The following ROBO1 variants were observed in gnomAD, a reference collection of about 807,000 sequenced individuals.
The protein encoded by ROBO1 is roundabout guidance receptor 1.
In ROBO1, 149 loss-of-function variants were observed where a neutral mutation model predicts 195.9. The ratio of observed to expected loss-of-function variants is 0.76; its 90% CI spans 0.67 to 0.87. The LOEUF (loss-of-function observed/expected upper bound fraction) is 0.87, where lower values mean the gene tolerates loss of function less well. Ranked by LOEUF, ROBO1 falls within the 40% of genes least tolerant of loss-of-function variation. The probability of loss-of-function intolerance (pLI) is 0.00; values close to 1 mark genes in which losing one functional copy is unlikely to be tolerated. For synonymous variants in ROBO1, 816 were observed against 733.2 expected, an observed-to-expected ratio of 1.11 and a Z score of -1.82; for missense variants, 1,933 against 2,068.3, an observed-to-expected ratio of 0.93 and a Z score of 1.27.
chr3:79,319,687 A>C (rs1207042195), intron 2 of ROBO1, among the ~76,000 whole-genome samples: 1 of 152,184 alleles, frequency 6.6e-6, no homozygotes, highest in Non-Finnish European at 1.5e-5. Flanking sequence ...AAAATGACTT[A>C]AATGTATTAA....
intron 3 of ROBO1, among the ~76,000 whole-genome samples, chr3:79,038,795 C>T (rs1385537835): frequency 6.6e-6 from 1 of 152,062 alleles, no homozygotes; most frequent in Non-Finnish European, 1.5e-5. Flanking sequence ...TGACATGAGG[C>T]CATGAGTCAA....
At chr3:79,589,381 T>C (rs1943925382) in intron 2 of ROBO1, among the ~76,000 whole-genome samples, 1 of 151,710 alleles carries the variant, frequency 6.6e-6, no homozygotes, top group Non-Finnish European at 1.5e-5. Flanking sequence ...ATTCTTACAT[T>C]GTTCAGCCTG....
intron 1 of ROBO1, among the ~76,000 whole-genome samples, chr3:79,639,451 T>TA (rs1396857387): frequency 6.6e-6 from 1 of 152,168 alleles, no homozygotes; most frequent in Non-Finnish European, 1.5e-5. Flanking sequence ...TAGAATGGCC[T>TA]AAATCAGTAA....
chr3:79,424,807 G>A (rs539433693), intron 2 of ROBO1, among the ~76,000 whole-genome samples: 3 of 152,198 alleles, frequency 2.0e-5, no homozygotes, highest in South Asian at 2.1e-4. Flanking sequence ...GTGAAGATAC[G>A]TTGGGCCAGT....
At chr3:79,636,709 C>T (rs890952172) in intron 1 of ROBO1, among the ~76,000 whole-genome samples, 1 of 152,100 alleles carries the variant, frequency 6.6e-6, no homozygotes, top group East Asian at 1.9e-4. Flanking sequence ...ATAATACAGG[C>T]AACAACAAAT....
Position 78,694,683 on chromosome 3 carries a change from G to A in ROBO1, c.1046-5911C>T, listed in dbSNP as rs148458318. On this transcript the variant is annotated intron_variant, in intron 8 of 30. Coordinates refer to ENST00000464233, the MANE Select transcript of ROBO1 (RefSeq NM_002941.4). ...CTCAAAAACACGGAATGGATAGAAC[G>A]TGGTTACATTTCTTGACACCTTACA... Among the ~76,000 whole-genome samples, 1,036 of 152,226 alleles carry A rather than the reference G, an allele frequency of 6.8e-3. 11 individuals carry two copies. Among genetic ancestry groups the A allele is most frequent in the African/African-American group, 0.024 (978 of 41,536 alleles).
chr3:79,485,190 A>C (rs1214352734), intron 2 of ROBO1, among the ~76,000 whole-genome samples: 2 of 152,146 alleles, frequency 1.3e-5, no homozygotes, highest in Non-Finnish European at 2.9e-5. Context: ...TTGAATAAAA[A>C]GATGTTTGTA....
intron 4 of ROBO1, among the ~76,000 whole-genome samples, chr3:78,911,123 C>A (rs1045035385): frequency 6.6e-6 from 1 of 151,938 alleles, no homozygotes; most frequent in African/African-American, 2.4e-5. Flanking sequence ...TAAATAATGC[C>A]AACTGTTCCA....
chr3:79,667,296 C>G (rs2106874048), intron 1 of ROBO1, among the ~76,000 whole-genome samples: 1 of 152,004 alleles, frequency 6.6e-6, no homozygotes, highest in Non-Finnish European at 1.5e-5. Context: ...AATATTCTTT[C>G]TTTCCACATC....
intron 4 of ROBO1, among the ~76,000 whole-genome samples, chr3:78,856,531 A>G (rs1231936639): frequency 6.6e-6 from 1 of 151,952 alleles, no homozygotes; most frequent in Admixed American, 6.6e-5. Flanking sequence ...TAATTCTCTC[A>G]ACATTTAGCG....
intron 3 of ROBO1, among the ~76,000 whole-genome samples, chr3:79,021,929 G>C (rs1372326615): frequency 6.6e-6 from 1 of 152,128 alleles, no homozygotes; most frequent in Non-Finnish European, 1.5e-5. Context: ...CAAAGTGCTG[G>C]GATTACAGGC....
chr3:78,651,653 C>T (rs1559697301), intron 19 of ROBO1, 79 bp downstream of exon 19: 13 of 1,197,340 alleles, frequency 1.1e-5, no homozygotes, highest in Non-Finnish European at 1.5e-5. Flanking sequence ...TATGCATAAT[C>T]ATGAATAATT....
intron 3 of ROBO1, among the ~76,000 whole-genome samples, chr3:79,002,477 T>A (rs575835332): frequency 2.4e-4 from 36 of 152,234 alleles, no homozygotes; most frequent in African/African-American, 7.2e-4. Context: ...ATCCCTCATT[T>A]ACAGATAAGG....
chr3:78,862,301 G>A (rs1164007905), intron 4 of ROBO1, among the ~76,000 whole-genome samples: 1 of 151,994 alleles, frequency 6.6e-6, no homozygotes, highest in Non-Finnish European at 1.5e-5. Flanking sequence ...CTGAATGACA[G>A]GAGAGAGAAA....
chr3:79,234,515 T>C (rs2082374482), intron 2 of ROBO1, among the ~76,000 whole-genome samples: 1 of 152,102 alleles, frequency 6.6e-6, no homozygotes, highest in Admixed American at 6.6e-5. Context: ...AAAAGTCACA[T>C]GTACTCATAT....
intron 10 of ROBO1, among the ~76,000 whole-genome samples, chr3:78,675,631 G>T (rs1488610264): frequency 2.6e-5 from 4 of 152,192 alleles, no homozygotes; most frequent in Non-Finnish European, 5.9e-5. Flanking sequence ...GCCTGCCATT[G>T]CCGAGTTAGT....
At chr3:78,900,316 T>C (rs896111023) in intron 4 of ROBO1, among the ~76,000 whole-genome samples, 1 of 152,214 alleles carries the variant, frequency 6.6e-6, no homozygotes, top group African/African-American at 2.4e-5. Flanking sequence ...ATGCATATCA[T>C]GTAAAATAGA....
chr3:78,869,122 A>C (rs534120995), intron 4 of ROBO1, among the ~76,000 whole-genome samples: 28 of 152,290 alleles, frequency 1.8e-4, no homozygotes, highest in Non-Finnish European at 2.5e-4. Flanking sequence ...TTATTGCAAC[A>C]AACAATTCAA....
At chr3:79,277,853 G>T (rs1258231640) in intron 2 of ROBO1, among the ~76,000 whole-genome samples, 1 of 151,640 alleles carries the variant, frequency 6.6e-6, no homozygotes, top group Non-Finnish European at 1.5e-5. Context: ...ACTATAGAGG[G>T]CATCCAAATT....
Sources: allele counts gnomAD v4.1 joint callset (sites outside exome capture counted in the v4.1 genomes callset), GRCh38; gene constraint gnomAD v4.1.1; transcripts MANE v1.5; gene names NCBI Gene and HGNC (gene_info 2026-07-23, HGNC 2026-07-21).